The following LRFN5 variants were observed in gnomAD, a reference collection of about 807,000 sequenced individuals.
LRFN5 encodes leucine-rich repeat and fibronectin type-III domain-containing protein 5.
Under a neutral mutation model 45.6 loss-of-function variants are expected in LRFN5, and 24 were observed. The ratio of observed to expected loss-of-function variants is 0.53; its 90% CI spans 0.38 to 0.74. The LOEUF is 0.74. Ranked by LOEUF, LRFN5 falls within the 30% of genes least tolerant of loss-of-function variation. The probability of loss-of-function intolerance (pLI) is 0.00; values close to 1 mark genes in which losing one functional copy is unlikely to be tolerated. For missense variants in LRFN5, 776 were observed against 861.5 expected, an observed-to-expected ratio of 0.90 and a Z score of 1.24; for synonymous variants, 340 against 313.8, an observed-to-expected ratio of 1.08 and a Z score of -0.88.
intron 2 of LRFN5, among the ~76,000 whole-genome samples, chr14:41,810,822 C>G (rs188505199): frequency 2.0e-5 from 3 of 152,128 alleles, no homozygotes; most frequent in Admixed American, 2.0e-4. Flanking sequence ...TCTGTACTGT[C>G]TTTCTTAGTT....
chr14:41,650,266 C>CACACACACAAA (rs1247683262), intron 1 of LRFN5, among the ~76,000 whole-genome samples: 54 of 135,516 alleles, frequency 4.0e-4, no homozygotes, highest in African/African-American at 1.4e-3. Context: ...CACACACACA[C>CACACACACAAA]AAAAAAAAAA....
At chr14:41,807,665 T>C (rs978127043) in intron 2 of LRFN5, among the ~76,000 whole-genome samples, 33 of 152,056 alleles carry the variant, frequency 2.2e-4, no homozygotes, top group African/African-American at 8.0e-4. Context: ...ACAATGAGAA[T>C]ATTTTTGGTG....
At chr14:41,784,014 C>T (rs1233006259) in intron 2 of LRFN5, among the ~76,000 whole-genome samples, 1 of 152,068 alleles carries the variant, frequency 6.6e-6, no homozygotes, top group Non-Finnish European at 1.5e-5. Flanking sequence ...TTCTCATGCC[C>T]ATGAACATTG....
At chr14:41,612,888 A>G (rs778364437) in intron 1 of LRFN5, among the ~76,000 whole-genome samples, 15 of 152,138 alleles carry the variant, frequency 9.9e-5, no homozygotes, top group Non-Finnish European at 1.9e-4. Context: ...ATTTAATTCA[A>G]AGATAACCAA....
intron 2 of LRFN5, among the ~76,000 whole-genome samples, chr14:41,809,103 A>G (rs1414744939): frequency 6.6e-6 from 1 of 152,076 alleles, no homozygotes; most frequent in Non-Finnish European, 1.5e-5. Context: ...CCATATGGCT[A>G]TAGTTATCTG....
rs116447401 is a variant in LRFN5, at chr14:41,895,095, G to A, written c.2098+3133G>A. 968 of 975,080 alleles carry A rather than the reference G, an allele frequency of 9.9e-4. 6 individuals carry two copies. In the African/African-American group the frequency reaches 0.016, roughly 16 times the overall value. The allele number at this position is 975,080 out of a possible 1,614,324, so 60.4% of individuals were successfully genotyped here. A position where few individuals can be genotyped will look rare whatever the true frequency, so the allele number is the denominator to read the frequency against. ...TGTTTCCTGTTATGCATGTATTAACGATGTTTACTTCAAACTTTTTTTAAA... is the reference window on the plus strand; with the variant it reads ...TGTTTCCTGTTATGCATGTATTAACAATGTTTACTTCAAACTTTTTTTAAA... On this transcript the variant is annotated intron_variant, in intron 4 of 5. Transcript: ENST00000298119.
At chr14:41,822,216 C>G (rs1888139934) in intron 2 of LRFN5, among the ~76,000 whole-genome samples, 1 of 151,540 alleles carries the variant, frequency 6.6e-6, no homozygotes, top group African/African-American at 2.4e-5. Flanking sequence ...TTGTTATGTT[C>G]TTATTTTTCT....
chr14:41,856,211 T>C lies in LRFN5; in HGVS notation c.-20-30395T>C, dbSNP rs17112329. ...TTGTGAAATTACTGACCATGCTTAA[T>C]GATCCAGACAGTAAACAAAGGGAAT... On this transcript the variant is annotated intron_variant, in intron 2 of 5. Transcript: ENST00000298119. Among the ~76,000 whole-genome samples, 832 of 152,354 alleles carry C rather than the reference T, an allele frequency of 5.5e-3. 7 individuals are homozygous for C. Among genetic ancestry groups the C allele is most frequent in the Non-Finnish European group, 8.1e-3 (551 of 68,034 alleles).
At chr14:41,901,557 G>A (rs1227949168) in intron 5 of LRFN5, among the ~76,000 whole-genome samples, 1 of 151,526 alleles carries the variant, frequency 6.6e-6, no homozygotes, top group African/African-American at 2.4e-5. Flanking sequence ...TTTAACTTGC[G>A]ATTAGTCCAC....
chr14:41,739,497 G>GA lies in LRFN5; in HGVS notation c.-196-27348dup, dbSNP rs139263155. On this transcript the variant is annotated intron_variant, in intron 1 of 5. Coordinates refer to ENST00000298119, the MANE Select transcript of LRFN5 (RefSeq NM_152447.5). ...ACATAGGACAAAGGATAAATTAAAAGAAAAAAAAATCTTGAGACAAGGAAA... is the reference window on the plus strand; with the variant it reads ...ACATAGGACAAAGGATAAATTAAAAGAAAAAAAAAATCTTGAGACAAGGAAA... 1.3e-3 allele frequency among the ~76,000 whole-genome samples: 189 copies of GA among 149,462 alleles called. 2 individuals are homozygous for GA. Among genetic ancestry groups the GA allele is most frequent in the Non-Finnish European group, 1.3e-3 (87 of 67,344 alleles).
intron 1 of LRFN5, among the ~76,000 whole-genome samples, chr14:41,625,011 T>G (rs1888277415): frequency 6.6e-6 from 1 of 152,148 alleles, no homozygotes; most frequent in African/African-American, 2.4e-5. Flanking sequence ...ATGAAGCAGC[T>G]TTAAGGATGT....
intron 1 of LRFN5, among the ~76,000 whole-genome samples, chr14:41,646,303 CTT>C (rs1879817279): frequency 6.6e-6 from 1 of 152,108 alleles, no homozygotes; most frequent in Admixed American, 6.5e-5. Context: ...GTATATTTGT[CTT>C]TGTTTTAATT....
At chr14:41,675,473 C>G (rs998806488) in intron 1 of LRFN5, among the ~76,000 whole-genome samples, 5 of 152,156 alleles carry the variant, frequency 3.3e-5, no homozygotes, top group African/African-American at 1.2e-4. Context: ...CGTGGCGGCG[C>G]GCGCCTGCAA....
At chr14:41,875,179 C>T (rs1165893140) in intron 2 of LRFN5, among the ~76,000 whole-genome samples, 1 of 152,214 alleles carries the variant, frequency 6.6e-6, no homozygotes, top group Non-Finnish European at 1.5e-5. Flanking sequence ...TGAATTATCT[C>T]CCTCTTTTCT....
intron 2 of LRFN5, among the ~76,000 whole-genome samples, chr14:41,813,420 C>T (rs150625191): frequency 0.029 from 4,472 of 152,168 alleles, 90 homozygotes; most frequent in Non-Finnish European, 0.048. Context: ...GTTCAACTCC[C>T]ACTTATGAGT....
intron 1 of LRFN5, among the ~76,000 whole-genome samples, chr14:41,614,154 A>G (rs1887852752): frequency 6.6e-6 from 1 of 151,950 alleles, no homozygotes; most frequent in Non-Finnish European, 1.5e-5. Flanking sequence ...AAGTTTTTGA[A>G]TGGTTTATTT....
chr14:41,754,976 G>A (rs1045595853), intron 1 of LRFN5, among the ~76,000 whole-genome samples: 7 of 151,972 alleles, frequency 4.6e-5, no homozygotes, highest in Non-Finnish European at 7.4e-5. Flanking sequence ...CTTTGTTCTC[G>A]TTGGTTTCAA....
chr14:41,698,860 AT>A (rs1323131259), intron 1 of LRFN5, among the ~76,000 whole-genome samples: 1 of 152,094 alleles, frequency 6.6e-6, no homozygotes, highest in Non-Finnish European at 1.5e-5. Context: ...GGTGGTAATC[AT>A]TGGTATAGGA....
intron 2 of LRFN5, among the ~76,000 whole-genome samples, chr14:41,810,414 A>T (rs74045449): frequency 0.018 from 2,749 of 152,128 alleles, 78 homozygotes; most frequent in African/African-American, 0.062. Context: ...CATTAGTTTC[A>T]TGTCTGTTCT....
Sources: allele counts gnomAD v4.1 joint callset (sites outside exome capture counted in the v4.1 genomes callset), GRCh38; gene constraint gnomAD v4.1.1; transcripts MANE v1.5; gene names NCBI Gene and HGNC (gene_info 2026-07-23, HGNC 2026-07-21).